Variants in EYA2 observed in about 807,000 individuals in gnomAD.
EYA2 encodes protein phosphatase EYA2.
In EYA2, 31 loss-of-function variants were observed where a neutral mutation model predicts 69.2. That is an observed-to-expected ratio of 0.45 (90% CI 0.34 to 0.60). EYA2 has a LOEUF of 0.60. Among genes scored for constraint, EYA2 ranks in the 20% least tolerant of loss-of-function variants. The pLI is 0.02. For synonymous variants in EYA2, 257 were observed against 279.4 expected (o/e 0.92, Z 0.80); for missense variants, 622 against 701.2 (o/e 0.89, Z 1.28).
intron 5 of EYA2, among the ~76,000 whole-genome samples, chr20:47,016,892 G>A (rs1983444862): frequency 1.3e-5 from 2 of 152,224 alleles, no homozygotes; most frequent in African/African-American, 4.8e-5. Context: ...GAAGGAGTTT[G>A]CTTGTATTTT....
rs191558308 is a variant in EYA2 at position 46,897,646 on chromosome 20, G to A, written c.-11+2659G>A. ...TCCTTGTATAATAAAATCGCAGGCC[G>A]TAATGGTGAATAAGTGAGGTTCCCA... is the stretch of plus-strand genomic sequence containing the variant. On this transcript the variant is annotated intron_variant, in intron 1 of 15. Transcript: ENST00000327619. Among the ~76,000 whole-genome samples, 339 of 152,262 alleles carry A rather than the reference G, an allele frequency of 2.2e-3. 3 individuals are homozygous for A. The highest frequency in any genetic ancestry group is 7.5e-3 in the African/African-American group (312 of 41,538).
Position 47,184,940 on chromosome 20 carries a change from A to C in EYA2, c.1536+1549A>C, listed in dbSNP as rs534724870. Reference sequence around the variant, plus strand: ...TAGGTACACACCCACCACACACAGAACTCCCATAAAAGTCCCAGTGTCTGA... The same window carrying C: ...TAGGTACACACCCACCACACACAGACCTCCCATAAAAGTCCCAGTGTCTGA... On this transcript the variant is annotated intron_variant, in intron 15 of 15. Coordinates refer to ENST00000327619, the MANE Select transcript of EYA2 (RefSeq NM_005244.5). Among the ~76,000 whole-genome samples, 12 of 152,048 alleles carry C rather than the reference A, an allele frequency of 7.9e-5. No individual in the cohort carries two copies. The East Asian group carries it at 2.1e-3, about 27-fold the overall frequency.
chr20:46,984,793 A>T (rs560214942), intron 1 of EYA2, among the ~76,000 whole-genome samples: 1 of 152,346 alleles, frequency 6.6e-6, no homozygotes, highest in Non-Finnish European at 1.5e-5. Flanking sequence ...ACTGCATTTT[A>T]AAAAATGAAG....
At chr20:46,957,426 G>A (rs780297014) in intron 1 of EYA2, among the ~76,000 whole-genome samples, 3 of 152,044 alleles carry the variant, frequency 2.0e-5, no homozygotes, top group Middle Eastern at 3.2e-3. Context: ...TTTGCAGATG[G>A]GATTCAGTTA....
chr20:46,992,704 G>A (rs1209705878), intron 2 of EYA2, among the ~76,000 whole-genome samples: 5 of 152,182 alleles, frequency 3.3e-5, no homozygotes, highest in Admixed American at 3.3e-4. Flanking sequence ...CAATCTGGCT[G>A]CCATGGTGAA....
At chr20:47,065,065 C>G (rs1278760525) in intron 5 of EYA2, among the ~76,000 whole-genome samples, 1 of 152,156 alleles carries the variant, frequency 6.6e-6, no homozygotes, top group Admixed American at 6.6e-5. Flanking sequence ...GGGAACTCCC[C>G]TTTATAAAAC....
At chr20:47,090,118 A>G (rs1447680118) in intron 8 of EYA2, among the ~76,000 whole-genome samples, 2 of 151,984 alleles carry the variant, frequency 1.3e-5, no homozygotes, top group Non-Finnish European at 1.5e-5. Flanking sequence ...CCTCAGACCA[A>G]TTAAATCCTA....
chr20:46,929,073 C>T (rs16992042), intron 1 of EYA2, among the ~76,000 whole-genome samples: 2,624 of 149,674 alleles, frequency 0.018, 68 homozygotes, highest in African/African-American at 0.061. Context: ...GCATTGTTCC[C>T]GAGGGTTTGG....
chr20:47,004,964 C>T lies in EYA2; in HGVS notation c.178C>T (p.Arg60Cys), dbSNP rs371553047. The T allele has an allele frequency of 4.0e-5, 65 of 1,613,980 alleles. No individual in the cohort carries two copies. Among genetic ancestry groups the T allele is most frequent in the Non-Finnish European group, 4.8e-5 (57 of 1,180,006 alleles). The part of the protein sequence containing the change: ...FSRSCPRVLP[R>C]QPSTAMAAYG... The stretch of plus-strand genomic sequence containing the variant: ...CAGATCTTGCCCACGTGTCCTCCCC[C>T]GCCAGCCTTCCACAGCCATGGCAGC... The change falls in exon 4 of 16, where the codon CGC becomes TGC. Residue 60 changes from arginine to cysteine, a missense_variant. This residue lies in a region of EYA2 where 365 missense variants were observed against 349.7 expected (regional missense o/e 1.04). Transcript: ENST00000327619.
chr20:47,123,101 C>T (rs1348959937), intron 9 of EYA2, among the ~76,000 whole-genome samples: 6 of 151,840 alleles, frequency 4.0e-5, no homozygotes, highest in African/African-American at 7.3e-5. Flanking sequence ...TAATACATGT[C>T]GAGTGTTTGG....
chr20:46,986,371 ATT>A (rs1491072517), intron 1 of EYA2, among the ~76,000 whole-genome samples: 2 of 20,724 alleles, frequency 9.7e-5, no homozygotes, highest in Non-Finnish European at 3.2e-4. Flanking sequence ...TATATTATAT[ATT>A]ATGTATTATA....
intron 4 of EYA2, among the ~76,000 whole-genome samples, chr20:47,005,873 C>T (rs1400360978): frequency 6.6e-6 from 1 of 152,336 alleles, no homozygotes; most frequent in African/African-American, 2.4e-5. Flanking sequence ...GCTATTCCCT[C>T]GCCTCCTAGC....
At chr20:47,187,433 GAT>G (rs2034668451) in intron 15 of EYA2, among the ~76,000 whole-genome samples, 1 of 150,534 alleles carries the variant, frequency 6.6e-6, no homozygotes. Context: ...AAAAGGAAAA[GAT>G]AAAAACGAAA....
chr20:47,114,569 C>T (rs192419643), intron 9 of EYA2, among the ~76,000 whole-genome samples: 2 of 152,270 alleles, frequency 1.3e-5, no homozygotes, highest in Admixed American at 6.5e-5. Flanking sequence ...GAGCCGAAAT[C>T]GTGCCATTGC....
intron 5 of EYA2, among the ~76,000 whole-genome samples, chr20:47,059,914 C>T (rs943149575): frequency 1.3e-5 from 2 of 152,230 alleles, no homozygotes; most frequent in African/African-American, 2.4e-5. Context: ...TTTCACTATT[C>T]TGTCTTCCTA....
intron 1 of EYA2, among the ~76,000 whole-genome samples, chr20:46,940,482 T>C (rs985299478): frequency 6.6e-6 from 1 of 152,198 alleles, no homozygotes; most frequent in Non-Finnish European, 1.5e-5. Flanking sequence ...CTGCCAACGC[T>C]ACTGTTGCTT....
At chr20:47,060,844 T>G (rs906092762) in intron 5 of EYA2, among the ~76,000 whole-genome samples, 16 of 139,090 alleles carry the variant, frequency 1.2e-4, no homozygotes, top group African/African-American at 2.2e-4. Flanking sequence ...TCAATCGCTC[T>G]CTCTCTCTTT....
rs575311359 is a variant in EYA2, at chr20:46,906,683, A to G, written c.-11+11696A>G. 4.0e-4 allele frequency among the ~76,000 whole-genome samples: 61 copies of G among 152,330 alleles called. 1 individual carries two copies. In the South Asian group the frequency reaches 0.011, roughly 27 times the overall value. ...TATTCCCAGTTTAAGTGAGAAAAGT[A>G]AGACACAGAGAGGTCAAGTGACTTG... On this transcript the variant is annotated intron_variant, in intron 1 of 15. Coordinates refer to ENST00000327619, the MANE Select transcript of EYA2 (RefSeq NM_005244.5).
At chr20:47,063,457 G>A (rs966490267) in intron 5 of EYA2, among the ~76,000 whole-genome samples, 9 of 148,970 alleles carry the variant, frequency 6.0e-5, no homozygotes, top group Non-Finnish European at 1.2e-4. Flanking sequence ...AGGAGAATAG[G>A]GTCTGGAGGC....
Sources: gnomAD v4.1 joint callset for allele counts (sites outside exome capture counted in the v4.1 genomes callset) on GRCh38, gnomAD v4.1.1 for gene constraint, gnomAD v4.1.1 regional missense constraint, MANE v1.5 for transcripts, NCBI Gene and HGNC (gene_info 2026-07-23, HGNC 2026-07-21) for gene names.